Variants in NFATC1 observed in about 807,000 individuals in gnomAD.
NFATC1 encodes the protein nuclear factor of activated T-cells, cytoplasmic 1.
A neutral mutation model predicts 76.0 loss-of-function variants in NFATC1; 22 were observed. That is an observed-to-expected ratio of 0.29 (90% CI 0.21 to 0.41). The LOEUF (loss-of-function observed/expected upper bound fraction) is 0.41. Ranked by LOEUF, NFATC1 falls within the 10% of genes least tolerant of loss-of-function variation. The pLI is 1.00. For synonymous variants in NFATC1, 704 were observed against 613.1 expected, an observed-to-expected ratio of 1.15 and a Z score of -2.19; for missense variants, 1,357 against 1,337.7, an observed-to-expected ratio of 1.01 and a Z score of -0.23.
intron 6 of NFATC1, among the ~76,000 whole-genome samples, chr18:79,460,543 C>G (rs770422650): frequency 2.0e-5 from 3 of 152,244 alleles, no homozygotes; most frequent in Non-Finnish European, 4.4e-5. Context: ...CGCGTCCTTT[C>G]ACTACACCTC....
At chr18:79,467,395 G>A in intron 7 of NFATC1, 55 bp from the exon 8 acceptor site, 1 of 1,472,288 alleles carries the variant, frequency 6.8e-7, no homozygotes. Flanking sequence ...CCGTGGCGCG[G>A]CAGCCATCGC....
At chr18:79,405,494 G>T (rs1441674698) in intron 1 of NFATC1, among the ~76,000 whole-genome samples, 1 of 152,192 alleles carries the variant, frequency 6.6e-6, no homozygotes, top group African/African-American at 2.4e-5. Flanking sequence ...ATTTGAATAC[G>T]GTTTAGGTGG....
chr18:79,521,485 G>T (rs1379137543), intron 9 of NFATC1, among the ~76,000 whole-genome samples: 6 of 41,246 alleles, frequency 1.5e-4, no homozygotes, highest in South Asian at 1.2e-3. Context: ...GTGTGTGGGG[G>T]GCATCCACTG....
At chr18:79,449,407 G>T (rs374305602) in intron 4 of NFATC1, among the ~76,000 whole-genome samples, 56 of 152,352 alleles carry the variant, frequency 3.7e-4, no homozygotes, top group African/African-American at 1.3e-3. Context: ...AGTCTAATTT[G>T]ACACTGTAAT....
At chr18:79,490,232 G>T (rs868162615) in intron 9 of NFATC1, among the ~76,000 whole-genome samples, 1 of 152,184 alleles carries the variant, frequency 6.6e-6, no homozygotes, top group African/African-American at 2.4e-5. Context: ...TGGTGCAGGT[G>T]GGGTAGTGTC....
intron 9 of NFATC1, among the ~76,000 whole-genome samples, chr18:79,515,015 G>C (rs1175102944): frequency 2.0e-5 from 3 of 152,014 alleles, no homozygotes; most frequent in African/African-American, 7.2e-5. Flanking sequence ...CTGCACACCA[G>C]CCTGGGCAAC....
chr18:79,486,916 G>T lies in NFATC1; in HGVS notation c.2761G>T (p.Asp921Tyr). The change falls in exon 9 of 10, where the codon GAC becomes TAC. Residue 921 changes from aspartate to tyrosine, a missense_variant. By Grantham distance (160) the Asp-to-Tyr change is radical. Around this residue, in one of 3 missense-constraint regions of NFATC1, gnomAD observed 424 missense variants for 395.4 expected, o/e 1.07. Transcript: ENST00000427363. Reference sequence around the variant, plus strand: ...GGTCAAGCGAGAGCCTGAAGAGTTGGACCAGTTGTACCTGGATGACGGTGA... The same window carrying T: ...GGTCAAGCGAGAGCCTGAAGAGTTGTACCAGTTGTACCTGGATGACGGTGA... ...VTVKREPEELDQLYLDDVNEI... is the reference protein window; with the variant it reads ...VTVKREPEELYQLYLDDVNEI... 1 of 1,602,966 alleles carries T rather than the reference G, an allele frequency of 6.2e-7. No individual in the cohort carries two copies. Among genetic ancestry groups the T allele is most frequent in the Non-Finnish European group, 8.5e-7 (1 of 1,173,872 alleles).
At chr18:79,473,571 GCGC>G (rs2088878395) in intron 8 of NFATC1, among the ~76,000 whole-genome samples, 2 of 127,184 alleles carry the variant, frequency 1.6e-5, no homozygotes, top group East Asian at 2.4e-4. Context: ...GCGTGTTCTC[GCGC>G]TCACTGTCGA....
At chr18:79,488,198 C>T (rs2089569759) in intron 9 of NFATC1, among the ~76,000 whole-genome samples, 1 of 152,066 alleles carries the variant, frequency 6.6e-6, no homozygotes, top group East Asian at 1.9e-4. Context: ...AAGGAGGATG[C>T]ATGCAAATAT....
At chr18:79,499,683 A>T (rs2089973757) in intron 9 of NFATC1, among the ~76,000 whole-genome samples, 2 of 152,238 alleles carry the variant, frequency 1.3e-5, no homozygotes, top group Admixed American at 1.3e-4. Context: ...AAGTAAAATG[A>T]TAAAGAGATA....
chr18:79,443,640 C>T (rs957745935), intron 3 of NFATC1, among the ~76,000 whole-genome samples: 2 of 152,270 alleles, frequency 1.3e-5, no homozygotes, highest in African/African-American at 4.8e-5. Flanking sequence ...GGGGTCCCGT[C>T]TGCCCAGCCT....
At chr18:79,489,938 T>G (rs531608591) in intron 9 of NFATC1, among the ~76,000 whole-genome samples, 1 of 152,324 alleles carries the variant, frequency 6.6e-6, no homozygotes, top group East Asian at 1.9e-4. Flanking sequence ...GAGATACCTG[T>G]GCAGACACCT....
At chr18:79,498,607 G>A (rs896140892) in intron 9 of NFATC1, among the ~76,000 whole-genome samples, 11 of 152,156 alleles carry the variant, frequency 7.2e-5, no homozygotes, top group African/African-American at 2.4e-4. Flanking sequence ...GAAGAAATAC[G>A]TGAAGAAATA....
At chr18:79,494,230 T>C (rs373375660) in intron 9 of NFATC1, among the ~76,000 whole-genome samples, 3,027 of 50,984 alleles carry the variant, frequency 0.059, no homozygotes, top group Middle Eastern at 0.15. Flanking sequence ...CAACCTGGTG[T>C]GGCCGGGGGA....
intron 3 of NFATC1, among the ~76,000 whole-genome samples, chr18:79,439,303 G>C (rs930687993): frequency 7.9e-5 from 12 of 152,182 alleles, no homozygotes; most frequent in Non-Finnish European, 1.6e-4. Context: ...GCCCCACCAG[G>C]AGCTGTGCTA....
chr18:79,404,638 A>T (rs1253928226), intron 1 of NFATC1, among the ~76,000 whole-genome samples: 2 of 152,238 alleles, frequency 1.3e-5, no homozygotes, highest in Non-Finnish European at 2.9e-5. Context: ...AAAATGAAAA[A>T]TAACGTCGTC....
chr18:79,520,773 ATG>A (rs1164833291), intron 9 of NFATC1, among the ~76,000 whole-genome samples: 1 of 37,684 alleles, frequency 2.7e-5, no homozygotes, highest in African/African-American at 1.1e-4. Context: ...GCATCCACTG[ATG>A]TGTGTGTGTG....
At chr18:79,507,149 G>A (rs907511805) in intron 9 of NFATC1, among the ~76,000 whole-genome samples, 5 of 152,184 alleles carry the variant, frequency 3.3e-5, no homozygotes, top group Non-Finnish European at 7.4e-5. Context: ...CCTGGCCCGC[G>A]TCCCACCCCA....
At chr18:79,426,234 G>A (rs1453744322) in intron 2 of NFATC1, among the ~76,000 whole-genome samples, 2 of 140,360 alleles carry the variant, frequency 1.4e-5, no homozygotes, top group African/African-American at 3.2e-5. Context: ...TTCAGGATAT[G>A]TCTTTTTTTT....
Sources: allele counts gnomAD v4.1 joint callset (sites outside exome capture counted in the v4.1 genomes callset), GRCh38; gene constraint gnomAD v4.1.1; regional missense constraint gnomAD v4.1.1; transcripts MANE v1.5; gene names NCBI Gene and HGNC (gene_info 2026-07-23, HGNC 2026-07-21).